The following ERG variants were observed in gnomAD, a reference collection of about 807,000 sequenced individuals.
ERG encodes the protein transcriptional regulator ERG.
In ERG, 9 loss-of-function variants were observed where a neutral mutation model predicts 55.3. That is an observed-to-expected ratio of 0.16 (90% CI 0.10 to 0.28). The LOEUF (loss-of-function observed/expected upper bound fraction) is 0.28, where lower values mean the gene tolerates loss of function less well. Among genes scored for constraint, ERG ranks in the 10% least tolerant of loss-of-function variants. The pLI, the probability that ERG is intolerant of heterozygous loss-of-function variation, is 1.00. For missense variants in ERG, 434 were observed against 631.6 expected (o/e 0.69, Z 3.35); for synonymous variants, 223 against 237.3 (o/e 0.94, Z 0.55).
At chr21:38,514,041 T>C (rs188219811) in intron 2 of ERG, among the ~76,000 whole-genome samples, 1 of 151,926 alleles carries the variant, frequency 6.6e-6, no homozygotes. Flanking sequence ...AAATACATAA[T>C]TGGAAAATAT....
At chr21:38,590,911 T>G (rs1423627481) in intron 1 of ERG, among the ~76,000 whole-genome samples, 3 of 152,230 alleles carry the variant, frequency 2.0e-5, no homozygotes, top group African/African-American at 7.2e-5. Flanking sequence ...GACAATCAGC[T>G]GGAGAGCTTT....
chr21:38,583,990 A>G (rs2060046495), intron 1 of ERG, among the ~76,000 whole-genome samples: 1 of 152,214 alleles, frequency 6.6e-6, no homozygotes, highest in South Asian at 2.1e-4. Flanking sequence ...GGGACTTACG[A>G]AAGTCACTTA....
At chr21:38,557,698 T>A (rs990224360) in intron 2 of ERG, among the ~76,000 whole-genome samples, 8 of 152,190 alleles carry the variant, frequency 5.3e-5, no homozygotes, top group African/African-American at 1.9e-4. Context: ...AAGGTAAAGA[T>A]AAAATCCTAA....
intron 2 of ERG, among the ~76,000 whole-genome samples, chr21:38,529,432 T>C (rs1427286531): frequency 6.6e-6 from 1 of 152,096 alleles, no homozygotes; most frequent in Non-Finnish European, 1.5e-5. Context: ...TGGATGGCTA[T>C]GAGGGAAAGA....
At chr21:38,522,024 C>T (rs2059598567) in intron 2 of ERG, among the ~76,000 whole-genome samples, 1 of 152,170 alleles carries the variant, frequency 6.6e-6, no homozygotes, top group African/African-American at 2.4e-5. Context: ...TAACTGATGT[C>T]ATATACAATA....
intron 2 of ERG, among the ~76,000 whole-genome samples, chr21:38,539,248 C>G (rs1224313600): frequency 6.6e-6 from 1 of 152,180 alleles, no homozygotes; most frequent in African/African-American, 2.4e-5. Flanking sequence ...CCACTAGCCC[C>G]TGTGACAACT....
chr21:38,631,953 A>G (rs2060359457), intron 1 of ERG, among the ~76,000 whole-genome samples: 1 of 151,900 alleles, frequency 6.6e-6, no homozygotes, highest in African/African-American at 2.4e-5. Flanking sequence ...TCATTCCAGA[A>G]AGTCGTTGCT....
At chr21:38,574,344 C>G (rs35004194) in intron 2 of ERG, among the ~76,000 whole-genome samples, 12 of 152,114 alleles carry the variant, frequency 7.9e-5, no homozygotes, top group Non-Finnish European at 1.6e-4. Context: ...ATAAACACAA[C>G]CATCATAGCC....
intron 1 of ERG, among the ~76,000 whole-genome samples, chr21:38,643,647 C>A (rs2060438740): frequency 6.6e-6 from 1 of 152,176 alleles, no homozygotes; most frequent in Non-Finnish European, 1.5e-5. Context: ...GCAACACTCA[C>A]AAGCTGCAAA....
Position 38,453,813 on chromosome 21 carries a change from G to A in ERG, c.19-8192C>T, listed in dbSNP as rs567677452. ...ACAAGAGAATCGCTTGAACCCGGGAGGGGGAGGCTGCAGTGAGCTGAGATC... is the reference window on the plus strand; with the variant it reads ...ACAAGAGAATCGCTTGAACCCGGGAAGGGGAGGCTGCAGTGAGCTGAGATC... On this transcript the variant is annotated intron_variant, in intron 1 of 9. Coordinates refer to ENST00000288319, the MANE Select transcript of ERG (RefSeq NM_182918.4). 1.3e-4 allele frequency among the ~76,000 whole-genome samples: 20 copies of A among 151,852 alleles called. 1 individual carries two copies. The South Asian group carries it at 2.7e-3, about 21-fold the overall frequency.
At chr21:38,547,058 G>C (rs754655004) in intron 2 of ERG, among the ~76,000 whole-genome samples, 2 of 152,266 alleles carry the variant, frequency 1.3e-5, no homozygotes, top group African/African-American at 4.8e-5. Context: ...CTTTGAGTGG[G>C]AATATGAGCC....
At chr21:38,618,918 C>G (rs559489254) in intron 1 of ERG, among the ~76,000 whole-genome samples, 2 of 152,292 alleles carry the variant, frequency 1.3e-5, no homozygotes, top group African/African-American at 4.8e-5. Flanking sequence ...AGGGCAGAAC[C>G]CAATCCTGAA....
chr21:38,537,445 T>A (rs200320693), intron 2 of ERG, among the ~76,000 whole-genome samples: 9 of 100,436 alleles, frequency 9.0e-5, no homozygotes, highest in South Asian at 3.2e-4. Context: ...AAAAAAAATA[T>A]ATATATATAT....
chr21:38,633,453 T>C (rs2060369184), intron 1 of ERG, among the ~76,000 whole-genome samples: 1 of 152,182 alleles, frequency 6.6e-6, no homozygotes, highest in Non-Finnish European at 1.5e-5. Flanking sequence ...ATGGATTATA[T>C]CAGTTCATGT....
rs528450024 is a variant in ERG at position 38,581,483 on chromosome 21, C to T, written c.-127+3361G>A. On this transcript the variant is annotated intron_variant, in intron 1 of 8. Coordinates refer to the ERG transcript ENST00000398897. The stretch of plus-strand genomic sequence containing the variant: ...AGCATCTTTTGTTCTAAGAAGGCAG[C>T]AGGTTGGTGAGTCCCTAGATAGCTT... Among the ~76,000 whole-genome samples, 268 of 152,302 alleles carry T rather than the reference C, an allele frequency of 1.8e-3. 1 individual carries two copies. Among genetic ancestry groups the T allele is most frequent in the African/African-American group, 6.0e-3 (248 of 41,564 alleles).
At chr21:38,586,377 T>G (rs1314580670), upstream of ERG, among the ~76,000 whole-genome samples, 1 of 152,072 alleles carries the variant, frequency 6.6e-6, no homozygotes, top group African/African-American at 2.4e-5. Flanking sequence ...CAATAGATCA[T>G]AGGTCTATTC....
At chr21:38,549,736 G>GTT (rs112621424) in intron 2 of ERG, among the ~76,000 whole-genome samples, 31 of 151,872 alleles carry the variant, frequency 2.0e-4, no homozygotes, top group African/African-American at 6.3e-4. Context: ...AGGACACAGT[G>GTT]TTTTTTTTAA....
At chr21:38,398,702 A>G (rs866760258) in intron 6 of ERG, among the ~76,000 whole-genome samples, 19 of 152,146 alleles carry the variant, frequency 1.2e-4, no homozygotes, top group African/African-American at 4.3e-4. Context: ...CAAATCCACC[A>G]TATCCTAAAA....
At chr21:38,470,784 A>C (rs1057073538) in intron 1 of ERG, 2 of 152,226 alleles carry the variant, frequency 1.3e-5, no homozygotes, top group African/African-American at 4.8e-5. Context: ...ATTTTTTCCA[A>C]GAGTCTATTA....
Sources: allele counts gnomAD v4.1 joint callset (sites outside exome capture counted in the v4.1 genomes callset), GRCh38; gene constraint gnomAD v4.1.1; transcripts MANE v1.5; gene names NCBI Gene and HGNC (gene_info 2026-07-23, HGNC 2026-07-21).